CTNNA2: variants seen among roughly 807,000 people sequenced by gnomAD.
The protein encoded by CTNNA2 is catenin alpha-2.
CTNNA2 carries 42 observed loss-of-function variants against 101.0 expected under a neutral mutation model. That is an observed-to-expected ratio of 0.42 (90% CI 0.32 to 0.54). The LOEUF (loss-of-function observed/expected upper bound fraction) is 0.54. Among genes scored for constraint, CTNNA2 ranks in the 20% least tolerant of loss-of-function variants. The probability of loss-of-function intolerance (pLI) is 0.14; values close to 1 mark genes in which losing one functional copy is unlikely to be tolerated. For synonymous variants in CTNNA2, 450 were observed against 456.4 expected (o/e 0.99, Z 0.18); for missense variants, 871 against 1,223.1 (o/e 0.71, Z 4.29).
chr2:79,811,867 A>G (rs1394997091), intron 3 of CTNNA2, among the ~76,000 whole-genome samples: 1 of 152,160 alleles, frequency 6.6e-6, no homozygotes, highest in Non-Finnish European at 1.5e-5. Flanking sequence ...AACACAATAT[A>G]TCTCTTAATT....
chr2:79,814,608 T>TACACACACACACACACACACAC (rs146240455), intron 3 of CTNNA2, among the ~76,000 whole-genome samples: 1 of 145,094 alleles, frequency 6.9e-6, no homozygotes, highest in Admixed American at 6.9e-5. Context: ...TATGTGTGTA[T>TACACACACACACACACACACAC]ACACACACAC....
intron 7 of CTNNA2, among the ~76,000 whole-genome samples, chr2:80,310,841 C>T (rs191548104): frequency 1.1e-4 from 17 of 151,996 alleles, no homozygotes; most frequent in African/African-American, 4.8e-5. Context: ...GGCCTGGTGA[C>T]GGGCGCCTGT....
At chr2:79,473,853 T>C (rs879934625) in intron 4 of CTNNA2, among the ~76,000 whole-genome samples, 2 of 152,128 alleles carry the variant, frequency 1.3e-5, no homozygotes, top group African/African-American at 4.8e-5. Context: ...AAATATACTT[T>C]TTAACCTTAT....
intron 3 of CTNNA2, among the ~76,000 whole-genome samples, chr2:79,764,453 A>G (rs887566299): frequency 6.6e-6 from 1 of 152,228 alleles, no homozygotes; most frequent in Non-Finnish European, 1.5e-5. Context: ...GTGCATATAC[A>G]TGGATTGAAG....
intron 2 of CTNNA2, among the ~76,000 whole-genome samples, chr2:79,723,206 T>C (rs2104874721): frequency 6.6e-6 from 1 of 152,298 alleles, no homozygotes; most frequent in East Asian, 1.9e-4. Context: ...CAAGTCCTAT[T>C]GGTCCTGGAG....
chr2:79,467,214 G>T (rs1299687099), intron 4 of CTNNA2, among the ~76,000 whole-genome samples: 2 of 152,136 alleles, frequency 1.3e-5, no homozygotes, highest in Non-Finnish European at 2.9e-5. Flanking sequence ...CATGGCACGA[G>T]AACTACATGA....
chr2:80,522,726 C>T (rs1437011860), intron 9 of CTNNA2, among the ~76,000 whole-genome samples: 1 of 152,084 alleles, frequency 6.6e-6, no homozygotes, highest in East Asian at 1.9e-4. Flanking sequence ...GTGAAGACGG[C>T]TTGCTTTCCC....
At chr2:79,582,370 A>T (rs1202833037) in intron 1 of CTNNA2, among the ~76,000 whole-genome samples, 4 of 152,170 alleles carry the variant, frequency 2.6e-5, no homozygotes. Flanking sequence ...TTTAGTAATT[A>T]CCTACCATAT....
intron 1 of CTNNA2, among the ~76,000 whole-genome samples, chr2:79,640,034 G>A (rs1680344742): frequency 6.6e-6 from 1 of 151,850 alleles, no homozygotes; most frequent in Admixed American, 6.6e-5. Context: ...TTTGAGTAAC[G>A]CCCAACACTG....
chr2:79,836,298 A>G (rs1679360474), intron 3 of CTNNA2, among the ~76,000 whole-genome samples: 1 of 152,212 alleles, frequency 6.6e-6, no homozygotes, highest in South Asian at 2.1e-4. Context: ...TCCCTAGATG[A>G]CTAAACTTTT....
intron 2 of CTNNA2, among the ~76,000 whole-genome samples, chr2:79,219,516 T>C (rs951464506): frequency 1.3e-5 from 2 of 152,026 alleles, no homozygotes; most frequent in Non-Finnish European, 2.9e-5. Flanking sequence ...GACTACTTTA[T>C]TTGTTAAACT....
intron 7 of CTNNA2, chr2:80,288,372 A>G (rs1674959387): frequency 6.6e-6 from 1 of 152,202 alleles, no homozygotes; most frequent in Non-Finnish European, 1.5e-5. Context: ...TTGTATTAAC[A>G]TTCTTTAATA....
chr2:80,382,457 A>G (rs570427124), intron 7 of CTNNA2, among the ~76,000 whole-genome samples: 1 of 152,348 alleles, frequency 6.6e-6, no homozygotes, highest in South Asian at 2.1e-4. Context: ...CGGAAATTCA[A>G]TTAACAATGC....
intron 6 of CTNNA2, among the ~76,000 whole-genome samples, chr2:79,905,319 A>G (rs1218776728): frequency 1.3e-5 from 2 of 152,220 alleles, no homozygotes; most frequent in African/African-American, 2.4e-5. Flanking sequence ...CTATCTGTAA[A>G]TGAACTAAAA....
At chr2:79,855,849 T>G (rs1388816126) in intron 3 of CTNNA2, among the ~76,000 whole-genome samples, 1 of 152,260 alleles carries the variant, frequency 6.6e-6, no homozygotes, top group East Asian at 1.9e-4. Context: ...TGTGGCACTT[T>G]TGTCAATAGT....
intron 1 of CTNNA2, 83 bp from the exon 2 acceptor site, chr2:79,651,469 A>G: frequency 7.7e-7 from 1 of 1,292,896 alleles, no homozygotes; most frequent in Non-Finnish European, 1.1e-6. Flanking sequence ...TCTAAGTTTC[A>G]GTGATTTACC....
intron 3 of CTNNA2, among the ~76,000 whole-genome samples, chr2:79,816,553 T>C (rs1384716409): frequency 2.0e-5 from 3 of 152,072 alleles, no homozygotes; most frequent in African/African-American, 7.2e-5. Context: ...AGCAGGAGCA[T>C]ATATCTCCTT....
In CTNNA2 at chr2:80,303,631, G is replaced by T; in HGVS notation, c.1057-89580G>T. On this transcript the variant is annotated intron_variant, in intron 7 of 18. Coordinates refer to ENST00000402739, the MANE Select transcript of CTNNA2 (RefSeq NM_001282597.3). This position sits in a 1 kb window ranked among gnomAD's most constrained non-coding sequence, Gnocchi z 7.7. Reference sequence around the variant, plus strand: ...GGGACAAGCCCAGCAGGCCGGACAGGTTGTGGGGCGCCTCGGTGAGGTTGA... The same window carrying T: ...GGGACAAGCCCAGCAGGCCGGACAGTTTGTGGGGCGCCTCGGTGAGGTTGA... 1 of 1,613,794 alleles carries T rather than the reference G, an allele frequency of 6.2e-7. No individual in the cohort carries two copies. The highest frequency in any genetic ancestry group is 8.5e-7 in the Non-Finnish European group (1 of 1,179,790).
intron 1 of CTNNA2, among the ~76,000 whole-genome samples, chr2:79,573,297 T>A (rs1481683486): frequency 1.3e-5 from 2 of 152,328 alleles, no homozygotes; most frequent in African/African-American, 4.8e-5. Context: ...ACAAGTGTCA[T>A]CGCCAATGCT....
Sources: gnomAD v4.1 joint callset for allele counts (sites outside exome capture counted in the v4.1 genomes callset) on GRCh38, gnomAD v4.1.1 for gene constraint, Gnocchi (gnomAD v3.1) non-coding constraint, MANE v1.5 for transcripts, NCBI Gene and HGNC (gene_info 2026-07-23, HGNC 2026-07-21) for gene names.